KAZN: variants seen among roughly 807,000 people sequenced by gnomAD.
KAZN encodes the protein kazrin.
A neutral mutation model predicts 87.4 loss-of-function variants in KAZN; 40 were observed. The ratio of observed to expected loss-of-function variants is 0.46; its 90% confidence interval spans 0.36 to 0.60. The LOEUF (loss-of-function observed/expected upper bound fraction) is 0.60, where lower values mean the gene tolerates loss of function less well. Ranked by LOEUF, KAZN falls within the 20% of genes least tolerant of loss-of-function variation. The pLI is 0.00. For missense variants in KAZN, 898 were observed against 1,073.9 expected (o/e 0.84, Z 2.29); for synonymous variants, 466 against 458.3 (o/e 1.02, Z -0.22).
chr1:14,687,916 A>G (rs1292061714), intron 1 of KAZN, among the ~76,000 whole-genome samples: 1 of 152,188 alleles, frequency 6.6e-6, no homozygotes, highest in African/African-American at 2.4e-5. Flanking sequence ...CTGGACCCAC[A>G]CCAGCAACTT....
chr1:14,553,435 G>A (rs139911543), intron 2 of KAZN, among the ~76,000 whole-genome samples: 10 of 152,196 alleles, frequency 6.6e-5, no homozygotes, highest in East Asian at 1.9e-4. Flanking sequence ...ACCATGTTCC[G>A]CCCCATGCAA....
At chr1:14,098,803 G>A (rs1412947450) in intron 1 of KAZN, among the ~76,000 whole-genome samples, 1 of 152,094 alleles carries the variant, frequency 6.6e-6, no homozygotes, top group Non-Finnish European at 1.5e-5. Flanking sequence ...ATTACCCAAG[G>A]CATTCCTTTG....
intron 2 of KAZN, among the ~76,000 whole-genome samples, chr1:14,971,642 C>T (rs1411128063): frequency 6.7e-6 from 1 of 149,322 alleles, no homozygotes; most frequent in Non-Finnish European, 1.5e-5. Flanking sequence ...GGCCCCCTTC[C>T]CTGGAGGCAC....
intron 1 of KAZN, among the ~76,000 whole-genome samples, chr1:14,928,318 G>A (rs575807970): frequency 2.0e-5 from 3 of 152,132 alleles, no homozygotes; most frequent in South Asian, 2.1e-4. Flanking sequence ...GCGTGTTGGC[G>A]GGCGCCTGTA....
chr1:14,398,126 A>G (rs1257362427), intron 2 of KAZN, among the ~76,000 whole-genome samples: 1 of 152,226 alleles, frequency 6.6e-6, no homozygotes, highest in African/African-American at 2.4e-5. Context: ...ACAGTAATAT[A>G]TAAAACTAAT....
chr1:14,642,351 G>C (rs1680469956), intron 1 of KAZN, among the ~76,000 whole-genome samples: 1 of 152,204 alleles, frequency 6.6e-6, no homozygotes, highest in Non-Finnish European at 1.5e-5. Flanking sequence ...AGTGAGCTGA[G>C]ATCACGCCAC....
intron 2 of KAZN, among the ~76,000 whole-genome samples, chr1:14,314,705 T>C (rs1029469037): frequency 4.6e-5 from 7 of 152,148 alleles, no homozygotes; most frequent in Non-Finnish European, 8.8e-5. Flanking sequence ...ATTCATTCTT[T>C]TAAAGTGTAG....
chr1:14,954,943 C>G (rs1026333328), intron 1 of KAZN, among the ~76,000 whole-genome samples: 1 of 152,098 alleles, frequency 6.6e-6, no homozygotes, highest in Non-Finnish European at 1.5e-5. Context: ...CAGCACGAGA[C>G]TCCATCTCAA....
At chr1:14,945,795 C>A in intron 1 of KAZN, 2 of 816,426 alleles carry the variant, frequency 2.4e-6, no homozygotes, top group Non-Finnish European at 3.0e-6. Context: ...TCAAGCTCCA[C>A]GGCCTCGAGA....
chr1:14,149,032 AGCCTGCCTGCCTGCCT>A (rs1168671093), intron 1 of KAZN, among the ~76,000 whole-genome samples: 1 of 149,124 alleles, frequency 6.7e-6, no homozygotes, highest in South Asian at 2.1e-4. Flanking sequence ...TTCCACATAC[AGCCTGCCTGCCTGCCT>A]GCCTGCCTTC....
intron 1 of KAZN, among the ~76,000 whole-genome samples, chr1:14,958,362 GTACATGGAGCACTTCTTATA>G (rs889379569): frequency 6.8e-5 from 7 of 102,202 alleles, no homozygotes; most frequent in Non-Finnish European, 1.3e-4. Context: ...CACTTCTTGG[GTACATGGAGCACTTCTTATA>G]TACATGGAGC....
intron 2 of KAZN, among the ~76,000 whole-genome samples, chr1:14,346,851 T>C (rs1430200596): frequency 6.6e-6 from 1 of 152,174 alleles, no homozygotes; most frequent in Non-Finnish European, 1.5e-5. Context: ...TATTGGGCAT[T>C]ACTCTGTGCC....
intron 2 of KAZN, among the ~76,000 whole-genome samples, chr1:14,432,402 G>C (rs1666124844): frequency 6.6e-6 from 1 of 152,172 alleles, no homozygotes; most frequent in African/African-American, 2.4e-5. Flanking sequence ...ACATGATTCA[G>C]TCCACCCAGT....
intron 1 of KAZN, among the ~76,000 whole-genome samples, chr1:14,869,209 G>A (rs1651873605): frequency 6.6e-6 from 1 of 152,146 alleles, no homozygotes. Context: ...CTTCCAGTTT[G>A]CTCCTTTAAA....
intron 1 of KAZN, among the ~76,000 whole-genome samples, chr1:14,094,034 T>C (rs1199883756): frequency 1.3e-5 from 2 of 152,050 alleles, no homozygotes; most frequent in Non-Finnish European, 2.9e-5. Context: ...AAAGGTGCGG[T>C]GAGGCTGGAG....
At chr1:14,034,126 T>C (rs891948539) in intron 1 of KAZN, among the ~76,000 whole-genome samples, 1 of 152,238 alleles carries the variant, frequency 6.6e-6, no homozygotes, top group African/African-American at 2.4e-5. Flanking sequence ...GGGTAATAGA[T>C]AAATGTTCCT....
At chr1:14,408,312 C>G (rs1664031601) in intron 2 of KAZN, among the ~76,000 whole-genome samples, 1 of 152,054 alleles carries the variant, frequency 6.6e-6, no homozygotes, top group Admixed American at 6.6e-5. Flanking sequence ...CTGTTGTGGG[C>G]ATAGGGGGAG....
intron 2 of KAZN, among the ~76,000 whole-genome samples, chr1:14,971,686 T>C (rs1002134121): frequency 7.0e-6 from 1 of 143,352 alleles, no homozygotes; most frequent in Non-Finnish European, 1.5e-5. Context: ...TTTTTCTTTT[T>C]TTTTTTTTTT....
At chr1:14,123,401 C>A (rs1288815262) in intron 1 of KAZN, among the ~76,000 whole-genome samples, 1 of 152,222 alleles carries the variant, frequency 6.6e-6, no homozygotes, top group African/African-American at 2.4e-5. Flanking sequence ...TCTGCTGCAT[C>A]TTCTGCAGGA....
Sources: allele counts gnomAD v4.1 joint callset (sites outside exome capture counted in the v4.1 genomes callset), GRCh38; gene constraint gnomAD v4.1.1; transcripts MANE v1.5; gene names NCBI Gene and HGNC (gene_info 2026-07-23, HGNC 2026-07-21).